SLIT3: variants seen among roughly 807,000 people sequenced by gnomAD.
The protein encoded by SLIT3 is slit homolog 3 protein.
SLIT3 carries 68 observed loss-of-function variants against 184.0 expected under a neutral mutation model. That is an observed-to-expected ratio of 0.37 (90% CI 0.30 to 0.45). The LOEUF (loss-of-function observed/expected upper bound fraction) is 0.45, where lower values mean the gene tolerates loss of function less well. SLIT3 is among the 20% of genes least tolerant of loss of function. The probability of loss-of-function intolerance (pLI) is 1.00; values close to 1 mark genes in which losing one functional copy is unlikely to be tolerated. For synonymous variants in SLIT3, 831 were observed against 828.6 expected, an observed-to-expected ratio of 1.00 and a Z score of -0.05; for missense variants, 1,707 against 2,026.0, an observed-to-expected ratio of 0.84 and a Z score of 3.02.
intron 4 of SLIT3, among the ~76,000 whole-genome samples, chr5:169,014,222 C>A (rs1756278093): frequency 6.6e-6 from 1 of 152,140 alleles, no homozygotes; most frequent in Admixed American, 6.5e-5. Context: ...GACTGAATCA[C>A]TCAAGAAGAT....
chr5:168,984,111 A>G (rs1281644976), intron 4 of SLIT3, among the ~76,000 whole-genome samples: 1 of 152,132 alleles, frequency 6.6e-6, no homozygotes, highest in Non-Finnish European at 1.5e-5. Context: ...TAATATAAAT[A>G]CTGTAAAATG....
chr5:168,822,562 G>A (rs1034823334), intron 7 of SLIT3, among the ~76,000 whole-genome samples: 2 of 152,100 alleles, frequency 1.3e-5, no homozygotes, highest in Admixed American at 1.3e-4. Context: ...TTACAAAGAG[G>A]TTCCTGACTG....
Position 169,193,514 on chromosome 5 carries a change from T to C in SLIT3, c.378A>G (p.Glu126=), listed in dbSNP as rs775889758. The C allele has an allele frequency of 5.1e-5, 82 of 1,613,912 alleles. No individual in the cohort carries two copies. The highest frequency in any genetic ancestry group is 6.7e-5 in the Non-Finnish European group (79 of 1,179,962). The part of the protein sequence containing the change: ...LNKNKLQVLP[E]LLFQSTPKLT... ...GCTTCGGCGTGCTCTGGAAAAGCAA[T>C]TCTGGAAGGACTTGCAGCTTATTCT... Residue 126 remains glutamate, a synonymous_variant, in exon 4 of 36, where the codon GAA becomes GAG. Coordinates refer to ENST00000519560, the MANE Select transcript of SLIT3 (RefSeq NM_003062.4).
intron 4 of SLIT3, among the ~76,000 whole-genome samples, chr5:169,137,352 A>T (rs1260899193): frequency 6.6e-6 from 1 of 151,738 alleles, no homozygotes; most frequent in Non-Finnish European, 1.5e-5. Flanking sequence ...AGAGAGAGAG[A>T]GAGAAACAGT....
chr5:169,182,692 T>C (rs1763205081), intron 4 of SLIT3, among the ~76,000 whole-genome samples: 1 of 152,238 alleles, frequency 6.6e-6, no homozygotes, highest in Admixed American at 6.5e-5. Flanking sequence ...TTTGCATCTT[T>C]CAGACAACTG....
At chr5:168,706,593 C>T (rs1274908373) in intron 26 of SLIT3, 1 of 152,112 alleles carries the variant, frequency 6.6e-6, no homozygotes, top group Admixed American at 6.6e-5. Flanking sequence ...AAAGGCCAGG[C>T]ACTCATCTGG....
chr5:169,041,907 T>A (rs17636279), intron 4 of SLIT3, among the ~76,000 whole-genome samples: 2,113 of 152,286 alleles, frequency 0.014, 15 homozygotes, highest in Non-Finnish European at 0.014. Context: ...TGGATAGGTA[T>A]AGGGTGCCAA....
intron 4 of SLIT3, among the ~76,000 whole-genome samples, chr5:168,953,634 G>T (rs1184313364): frequency 2.0e-5 from 3 of 152,216 alleles, no homozygotes; most frequent in African/African-American, 7.2e-5. Context: ...CAGGCACAGA[G>T]AAGCACTTTA....
rs1240333632 is a variant in SLIT3, at chr5:168,670,002, A to G, written c.4128-11T>C. 2 of 1,612,732 alleles carry G rather than the reference A, an allele frequency of 1.2e-6. No individual in the cohort carries two copies. Among genetic ancestry groups the G allele is most frequent in the East Asian group, 4.5e-5 (2 of 44,882 alleles). On this transcript the variant is annotated splice_polypyrimidine_tract_variant and intron_variant, in intron 34 of 35. Coordinates refer to ENST00000519560, the MANE Select transcript of SLIT3 (RefSeq NM_003062.4). The stretch of plus-strand genomic sequence containing the variant: ...TTTCCATGGTGGCATCTAGGGGCAG[A>G]GAGGAGGATGAGAAGGGAACTGGAT...
chr5:169,134,817 G>C (rs1761440444), intron 4 of SLIT3, among the ~76,000 whole-genome samples: 1 of 152,178 alleles, frequency 6.6e-6, no homozygotes, highest in African/African-American at 2.4e-5. Context: ...TCTTGGCTAG[G>C]CCCCTCCGTG....
intron 3 of SLIT3, among the ~76,000 whole-genome samples, chr5:169,231,733 G>A (rs967865801): frequency 1.3e-5 from 2 of 152,104 alleles, no homozygotes; most frequent in Admixed American, 1.3e-4. Flanking sequence ...TGTACATTCA[G>A]CTCTGATTGG....
intron 4 of SLIT3, among the ~76,000 whole-genome samples, chr5:169,168,206 T>C (rs1042566084): frequency 1.3e-5 from 2 of 152,234 alleles, no homozygotes; most frequent in African/African-American, 4.8e-5. Context: ...AGTCTAGCAG[T>C]AATGAAAACA....
chr5:169,289,869 G>C (rs905960490), intron 1 of SLIT3, among the ~76,000 whole-genome samples: 3 of 152,174 alleles, frequency 2.0e-5, no homozygotes, highest in Admixed American at 1.3e-4. Flanking sequence ...ACATACCTGA[G>C]TTAGGGCATT....
At chr5:168,859,771 G>A (rs1299133384) in intron 5 of SLIT3, among the ~76,000 whole-genome samples, 3 of 152,220 alleles carry the variant, frequency 2.0e-5, no homozygotes, top group Admixed American at 2.0e-4. Context: ...ATTCAGGGGT[G>A]TGCATGTAGG....
At chr5:168,759,692 T>C (rs1755072794) in intron 16 of SLIT3, among the ~76,000 whole-genome samples, 1 of 152,216 alleles carries the variant, frequency 6.6e-6, no homozygotes. Context: ...GTTTTGGTTT[T>C]TGTTTTGTTG....
At chr5:168,844,279 TC>T (rs1249254186) in intron 6 of SLIT3, among the ~76,000 whole-genome samples, 1 of 152,030 alleles carries the variant, frequency 6.6e-6, no homozygotes, top group African/African-American at 2.4e-5. Flanking sequence ...CATCTGTTTC[TC>T]CCAGCAACGA....
At chr5:168,897,276 G>A (rs1407054555) in intron 4 of SLIT3, among the ~76,000 whole-genome samples, 10 of 152,280 alleles carry the variant, frequency 6.6e-5, no homozygotes, top group African/African-American at 2.4e-4. Flanking sequence ...CTCCTTGGAT[G>A]TCTTTCCTCT....
chr5:169,029,545 T>C (rs1428443727), intron 4 of SLIT3, among the ~76,000 whole-genome samples: 1 of 152,194 alleles, frequency 6.6e-6, no homozygotes, highest in African/African-American at 2.4e-5. Context: ...GCAGAGAAAC[T>C]AAGCAAGAAA....
At position 169,163,668 on chromosome 5, in the gene SLIT3, C is replaced by T. The variant is rs150548881; in HGVS notation, c.413+29811G>A. Among the ~76,000 whole-genome samples, 16 of 152,240 alleles carry T rather than the reference C, an allele frequency of 1.1e-4. No individual in the cohort carries two copies. The East Asian group carries it at 2.3e-3, about 22-fold the overall frequency. ...CTTGAGGCTGGCAACCTCACCAAAG[C>T]GATTAGACAGATAGCATGAGCTATC... On this transcript the variant is annotated intron_variant, in intron 4 of 35. Transcript: ENST00000519560.
Sources: gnomAD v4.1 joint callset for allele counts (sites outside exome capture counted in the v4.1 genomes callset) on GRCh38, gnomAD v4.1.1 for gene constraint, MANE v1.5 for transcripts, NCBI Gene and HGNC (gene_info 2026-07-23, HGNC 2026-07-21) for gene names.